The following CPVL variants were observed in gnomAD, a reference collection of about 807,000 sequenced individuals.
The protein encoded by CPVL is carboxypeptidase vitellogenic like.
CPVL carries 51 observed loss-of-function variants against 63.7 expected under a neutral mutation model. The observed-to-expected ratio is 0.80, with a 90% CI of 0.64 to 1.01. The LOEUF is 1.01. CPVL is among the 50% of genes least tolerant of loss of function. The pLI, the probability that CPVL is intolerant of heterozygous loss-of-function variation, is 0.00. For missense variants in CPVL, 530 were observed against 573.1 expected, an observed-to-expected ratio of 0.92 and a Z score of 0.77; for synonymous variants, 195 against 206.0, an observed-to-expected ratio of 0.95 and a Z score of 0.46.
rs369359407 is a variant in CPVL, at chr7:29,037,579, A to C, written c.1138-6820T>G. Among the ~76,000 whole-genome samples the C allele has an allele frequency of 1.4e-4, 21 of 150,888 alleles. No individual in the cohort carries two copies. In the Middle Eastern group the frequency reaches 0.01, roughly 73 times the overall value. On this transcript the variant is annotated intron_variant, in intron 11 of 12. Coordinates refer to ENST00000265394, the MANE Select transcript of CPVL (RefSeq NM_031311.5). ...AAAAAAAAAAAAAAAAAAAGAAAAG[A>C]AAAGAAAAGCACATATGAATCGGGA...
chr7:29,184,751 G>A (rs1486461760), intron 3 of CPVL, among the ~76,000 whole-genome samples: 1 of 152,152 alleles, frequency 6.6e-6, no homozygotes, highest in Non-Finnish European at 1.5e-5. Context: ...GAAACACCCA[G>A]AAATAATGTT....
chr7:29,152,072 G>A (rs940305051), intron 5 of CPVL, among the ~76,000 whole-genome samples: 31 of 152,194 alleles, frequency 2.0e-4, no homozygotes, highest in Middle Eastern at 3.2e-3. Context: ...TGCCTATGAA[G>A]AGTTGCATGA....
chr7:29,096,215 T>C lies in CPVL; in HGVS notation c.291A>G (p.Ile97Met). 1.2e-6 allele frequency: 2 copies of C among 1,612,382 alleles called. No individual in the cohort carries two copies. The highest frequency in any genetic ancestry group is 1.7e-6 in the Non-Finnish European group (2 of 1,178,418). ...NLFFWFFPAQIQPEDAPVVLW... is the reference protein window; with the variant it reads ...NLFFWFFPAQMQPEDAPVVLW... ...GAACTACTGGGGCATCTTCTGGCTG[T>C]ATCTAGAGGAAACAGTAAAACCAGT... is the stretch of plus-strand genomic sequence containing the variant. Residue 97 changes from isoleucine (I) to methionine (M), a missense_variant and splice_region_variant, in exon 4 of 13, where the codon ATA becomes ATG. Ile to Met is a conservative substitution (Grantham distance 10, BLOSUM62 1). Coordinates refer to ENST00000265394, the MANE Select transcript of CPVL (RefSeq NM_031311.5).
Position 29,072,029 on chromosome 7 carries a change from A to C in CPVL, c.733-125T>G. The C allele has an allele frequency of 4.4e-6, 5 of 1,144,186 alleles. No homozygotes were observed. In the South Asian group the frequency reaches 7.3e-5, roughly 17 times the overall value. The allele number at this position is 1,144,186 out of a possible 1,614,324, so 70.9% of individuals were successfully genotyped here. A position where few individuals can be genotyped will look rare whatever the true frequency, so the allele number is the denominator to read the frequency against. On this transcript the variant is annotated intron_variant, in intron 8 of 12. Transcript: ENST00000265394. Reference sequence around the variant, plus strand: ...ATTGTGCTGGTTAGCCAAGTAGGATAATTACATGCACACACACATATACAC... The same window carrying C: ...ATTGTGCTGGTTAGCCAAGTAGGATCATTACATGCACACACACATATACAC...
At chr7:29,057,995 T>C (rs913432738) in intron 11 of CPVL, among the ~76,000 whole-genome samples, 4 of 152,156 alleles carry the variant, frequency 2.6e-5, no homozygotes, top group Non-Finnish European at 5.9e-5. Flanking sequence ...CAATGTTGTG[T>C]TGGTTATTCT....
intron 11 of CPVL, among the ~76,000 whole-genome samples, chr7:29,049,724 A>G (rs914902877): frequency 6.6e-6 from 1 of 152,092 alleles, no homozygotes; most frequent in African/African-American, 2.4e-5. Context: ...AGAGAAAACT[A>G]CAGACTGATA....
At chr7:29,111,483 G>A (rs376872961) in intron 3 of CPVL, among the ~76,000 whole-genome samples, 1 of 152,174 alleles carries the variant, frequency 6.6e-6, no homozygotes. Flanking sequence ...GCAAGCTCTA[G>A]GCATCTCACT....
intron 12 of CPVL, among the ~76,000 whole-genome samples, chr7:29,019,837 G>A (rs1213120134): frequency 5.9e-5 from 9 of 152,180 alleles, no homozygotes; most frequent in Admixed American, 5.9e-4. Flanking sequence ...CACTAAGGGG[G>A]AAGGATCTTT....
chr7:29,059,480 C>T (rs1791061343), intron 11 of CPVL, among the ~76,000 whole-genome samples: 1 of 152,108 alleles, frequency 6.6e-6, no homozygotes, highest in African/African-American at 2.4e-5. Context: ...TTCAACAATA[C>T]ACCAAAAAGA....
At position 29,074,994 on chromosome 7, in the gene CPVL, G is replaced by A. The variant is rs186807827; in HGVS notation, c.610-2571C>T. The stretch of plus-strand genomic sequence containing the variant: ...ATAAAAACACACTTGATAAATGAAT[G>A]ACTTATCTGGCATTACTTCTAAATA... On this transcript the variant is annotated intron_variant, in intron 7 of 12. Transcript: ENST00000265394. 1.3e-3 allele frequency among the ~76,000 whole-genome samples: 197 copies of A among 152,074 alleles called. 1 individual carries two copies. The highest frequency in any genetic ancestry group is 3.8e-3 in the African/African-American group (159 of 41,484).
At chr7:29,041,126 A>AT (rs1191228187) in intron 11 of CPVL, among the ~76,000 whole-genome samples, 4,389 of 104,816 alleles carry the variant, frequency 0.042, 253 homozygotes, top group African/African-American at 0.13. Flanking sequence ...CAATAACTGG[A>AT]TTTTTTTTTT....
rs1318114896 is a variant in CPVL, at chr7:29,120,901, A to G, written c.161T>C (p.Ile54Thr). 1 of 1,609,950 alleles carries G rather than the reference A, an allele frequency of 6.2e-7. No homozygotes were observed. The highest frequency in any genetic ancestry group is 1.7e-5 in the Admixed American group (1 of 59,400). The change falls in exon 2 of 13, where the codon ATC becomes ACC. Residue 54 changes from isoleucine (I) to threonine (T), a missense_variant. Ile to Thr is a moderately conservative substitution (Grantham distance 89). Transcript: ENST00000265394. Reference sequence around the variant, plus strand: ...TAATTAAACTTACTTACCTTTTTGGATCTTCCCAGCTTCAATGTAAGGGGT... The same window carrying G: ...TAATTAAACTTACTTACCTTTTTGGGTCTTCCCAGCTTCAATGTAAGGGGT... ...FLTPYIEAGK[I>T]QKGRELSLVG...
intron 5 of CPVL, among the ~76,000 whole-genome samples, chr7:29,166,259 C>T (rs1795907698): frequency 6.6e-6 from 1 of 152,094 alleles, no homozygotes; most frequent in African/African-American, 2.4e-5. Flanking sequence ...GTCTCAAACT[C>T]CTGGCCTCAA....
chr7:29,121,818 T>C (rs1789409922), intron 1 of CPVL, among the ~76,000 whole-genome samples: 1 of 152,058 alleles, frequency 6.6e-6, no homozygotes, highest in South Asian at 2.1e-4. Flanking sequence ...AAGCCCCAGT[T>C]TGTATCAAAG....
At chr7:29,140,367 C>G (rs1408814443) in intron 1 of CPVL, among the ~76,000 whole-genome samples, 1 of 152,200 alleles carries the variant, frequency 6.6e-6, no homozygotes, top group Non-Finnish European at 1.5e-5. Context: ...CAGAGATTTT[C>G]TAACCATACA....
chr7:29,061,434 G>A (rs979513425), intron 11 of CPVL, among the ~76,000 whole-genome samples: 1 of 152,082 alleles, frequency 6.6e-6, no homozygotes, highest in African/African-American at 2.4e-5. Context: ...GAAAAGTTTA[G>A]AAAATACTGG....
chr7:29,095,274 A>G, intron 4 of CPVL, 132 bp from the exon 5 acceptor site: 1 of 698,422 alleles, frequency 1.4e-6, no homozygotes, highest in Non-Finnish European at 2.6e-6. Context: ...AGTGCTGCAC[A>G]CTCTCATGGT....
intron 2 of CPVL, among the ~76,000 whole-genome samples, chr7:29,119,413 G>A (rs1475398387): frequency 1.3e-5 from 2 of 149,162 alleles, no homozygotes; most frequent in African/African-American, 5.0e-5. Context: ...CTTGAACGCA[G>A]GAGGTGCAGA....
chr7:29,087,091 T>C (rs557836337), intron 6 of CPVL, among the ~76,000 whole-genome samples: 1 of 152,182 alleles, frequency 6.6e-6, no homozygotes, highest in African/African-American at 2.4e-5. Flanking sequence ...AAATGTACAG[T>C]AGGCTCTGGG....
Sources: allele counts gnomAD v4.1 joint callset (sites outside exome capture counted in the v4.1 genomes callset), GRCh38; gene constraint gnomAD v4.1.1; transcripts MANE v1.5; gene names NCBI Gene and HGNC (gene_info 2026-07-23, HGNC 2026-07-21).